WDR70: variants seen among roughly 807,000 people sequenced by gnomAD.
The protein encoded by WDR70 is WD repeat domain 70.
In WDR70, 53 loss-of-function variants were observed where a neutral mutation model predicts 88.6. That is an observed-to-expected ratio of 0.60 (90% confidence interval 0.48 to 0.75). WDR70 has a LOEUF of 0.75. Among genes scored for constraint, WDR70 ranks in the 30% least tolerant of loss-of-function variants. The pLI, the probability that WDR70 is intolerant of heterozygous loss-of-function variation, is 0.00. For synonymous variants in WDR70, 280 were observed against 270.0 expected (o/e 1.04, Z -0.36); for missense variants, 610 against 823.2 (o/e 0.74, Z 3.17).
rs896087569 is a variant in WDR70 at position 37,605,107 on chromosome 5, A to C, written c.961A>C (p.Ser321Arg). ...WEVENPKKQK[S>R]VFKPRTMQGK... is the part of the protein sequence containing the mutation. Reference sequence around the variant, plus strand: ...AGTTGAAAATCCAAAGAAGCAAAAAAGTGTGTTTAAACCACGGACGATGCA... The same window carrying C: ...AGTTGAAAATCCAAAGAAGCAAAAACGTGTGTTTAAACCACGGACGATGCA... The change falls in exon 10 of 18, where the codon AGT (serine) becomes CGT (arginine). Residue 321 changes from serine to arginine, a missense_variant. Around this residue, in one of 4 missense-constraint regions of WDR70, gnomAD observed 254 missense variants for 300.7 expected, o/e 0.84. Coordinates refer to ENST00000265107, the MANE Select transcript of WDR70 (RefSeq NM_018034.4). 1 of 1,612,796 alleles carries C rather than the reference A, an allele frequency of 6.2e-7. No individual in the cohort carries two copies. The highest frequency in any genetic ancestry group is 1.7e-5 in the Admixed American group (1 of 59,964).
chr5:37,697,834 T>A lies in WDR70; in HGVS notation c.1192+80T>A, dbSNP rs565973363. The A allele has an allele frequency of 4.2e-5, 51 of 1,224,802 alleles. No individual in the cohort carries two copies. The East Asian group carries it at 1.2e-3, about 28-fold the overall frequency. The allele number at this position is 1,224,802 out of a possible 1,614,324, so 75.9% of individuals were successfully genotyped here. A position where few individuals can be genotyped will look rare whatever the true frequency, so the allele number is the denominator to read the frequency against. ...AACAAATATGACAATAATATCCTAG[T>A]GCTTAGTAAAGCTTGCTTTGATTTT... On this transcript the variant is annotated intron_variant, in intron 11 of 17. Transcript: ENST00000265107.
At chr5:37,707,508 A>G (rs1429005375) in intron 13 of WDR70, among the ~76,000 whole-genome samples, 1 of 152,226 alleles carries the variant, frequency 6.6e-6, no homozygotes, top group East Asian at 1.9e-4. Context: ...CTAAACCTTT[A>G]TTTTTGAAAA....
intron 8 of WDR70, among the ~76,000 whole-genome samples, chr5:37,511,815 C>A (rs1740730163): frequency 6.6e-6 from 1 of 152,166 alleles, no homozygotes; most frequent in Non-Finnish European, 1.5e-5. Context: ...AGCACATTTC[C>A]TCCTTGGCTT....
intron 7 of WDR70, among the ~76,000 whole-genome samples, chr5:37,446,614 A>C (rs1267760861): frequency 6.6e-6 from 1 of 152,218 alleles, no homozygotes; most frequent in African/African-American, 2.4e-5. Flanking sequence ...GGAACAGAAC[A>C]GAGCCCTCAG....
intron 11 of WDR70, 120 bp from the exon 12 acceptor site, chr5:37,700,938 C>T: frequency 1.7e-6 from 1 of 603,354 alleles, no homozygotes; most frequent in South Asian, 2.2e-5. Context: ...TCTTTCTCCC[C>T]TTCCCCTTCC....
intron 17 of WDR70, among the ~76,000 whole-genome samples, chr5:37,744,219 T>C (rs1460547402): frequency 2.0e-5 from 3 of 151,650 alleles, no homozygotes; most frequent in Non-Finnish European, 4.4e-5. Context: ...AAGCAGAAAG[T>C]AACAACAACA....
chr5:37,721,378 TAAAAAGGA>T, intron 14 of WDR70, 163 bp downstream of exon 14: 1 of 635,106 alleles, frequency 1.6e-6, no homozygotes, highest in South Asian at 2.0e-5. Context: ...TATTGTGCTT[TAAAAAGGA>T]TTTGAATATT....
At chr5:37,626,349 T>C (rs984002113) in intron 10 of WDR70, among the ~76,000 whole-genome samples, 7 of 152,264 alleles carry the variant, frequency 4.6e-5, no homozygotes, top group Non-Finnish European at 1.0e-4. Context: ...TCAAAAGCTA[T>C]TTCTACATCT....
At chr5:37,612,248 G>A (rs1447626339) in intron 10 of WDR70, among the ~76,000 whole-genome samples, 1 of 152,016 alleles carries the variant, frequency 6.6e-6, no homozygotes, top group African/African-American at 2.4e-5. Flanking sequence ...TCAAAGCTTT[G>A]TCTCTTCAAT....
At chr5:37,717,470 C>T (rs367866004) in intron 13 of WDR70, among the ~76,000 whole-genome samples, 264 of 152,266 alleles carry the variant, frequency 1.7e-3, no homozygotes, top group African/African-American at 6.1e-3. Flanking sequence ...TGCTGCATTT[C>T]TCAGTGACTC....
chr5:37,510,415 A>G (rs1044186360), intron 8 of WDR70, among the ~76,000 whole-genome samples: 2 of 152,154 alleles, frequency 1.3e-5, no homozygotes, highest in Non-Finnish European at 2.9e-5. Context: ...TTTTACTCCT[A>G]AATTCTTCAG....
rs554931860 is a variant in WDR70 at position 37,689,905 on chromosome 5, A to G, written c.1093-7750A>G. 1.4e-4 allele frequency among the ~76,000 whole-genome samples: 22 copies of G among 152,318 alleles called. No homozygotes were observed. In the East Asian group the frequency reaches 3.3e-3, roughly 23 times the overall value. On this transcript the variant is annotated intron_variant, in intron 10 of 17. Coordinates refer to ENST00000265107, the MANE Select transcript of WDR70 (RefSeq NM_018034.4). ...AGGCTTCAGAAGGTCGGTAATAACA[A>G]ACTTCTCCGAGCTAAAGGAACATGT...
chr5:37,454,825 T>A (rs1298001504), intron 7 of WDR70, among the ~76,000 whole-genome samples: 1 of 152,230 alleles, frequency 6.6e-6, no homozygotes, highest in Non-Finnish European at 1.5e-5. Context: ...TAATGGAATG[T>A]GAGCATGGAT....
chr5:37,586,726 A>G (rs887140330), intron 9 of WDR70, among the ~76,000 whole-genome samples: 1 of 151,988 alleles, frequency 6.6e-6, no homozygotes, highest in Non-Finnish European at 1.5e-5. Context: ...TCCCTTTCTT[A>G]TGGCCTGCCT....
intron 17 of WDR70, among the ~76,000 whole-genome samples, chr5:37,733,247 C>T (rs1748203813): frequency 6.6e-6 from 1 of 152,094 alleles, no homozygotes; most frequent in South Asian, 2.1e-4. Flanking sequence ...CCTTTGTCTT[C>T]TCCTTTACTC....
At chr5:37,557,959 T>TTTGAAGACTCTTCAAAAG in intron 9 of WDR70, among the ~76,000 whole-genome samples, 1 of 146,506 alleles carries the variant, frequency 6.8e-6, no homozygotes, top group Admixed American at 6.8e-5. Flanking sequence ...AAAAGAGTAT[T>TTTGAAGACTCTTCAAAAG]ATGTATATTT....
chr5:37,476,772 G>A (rs1443991216), intron 7 of WDR70, among the ~76,000 whole-genome samples: 2 of 152,102 alleles, frequency 1.3e-5, no homozygotes, highest in African/African-American at 4.8e-5. Context: ...GGATGGTCTC[G>A]ATCTCAACCT....
At chr5:37,494,666 G>A (rs1388813124) in intron 8 of WDR70, among the ~76,000 whole-genome samples, 1 of 152,192 alleles carries the variant, frequency 6.6e-6, no homozygotes, top group Non-Finnish European at 1.5e-5. Flanking sequence ...TGTGAAATCA[G>A]TAAATATTGA....
intron 10 of WDR70, among the ~76,000 whole-genome samples, chr5:37,695,824 A>G (rs993649321): frequency 5.3e-5 from 8 of 152,120 alleles, no homozygotes; most frequent in African/African-American, 1.2e-4. Flanking sequence ...TAAGGTATTC[A>G]TGGACATCAC....
Sources: gnomAD v4.1 joint callset for allele counts (sites outside exome capture counted in the v4.1 genomes callset) on GRCh38, gnomAD v4.1.1 for gene constraint, gnomAD v4.1.1 regional missense constraint, MANE v1.5 for transcripts, NCBI Gene and HGNC (gene_info 2026-07-23, HGNC 2026-07-21) for gene names.